The following ANK2 variants were observed in gnomAD, a reference collection of about 807,000 sequenced individuals.
The protein encoded by ANK2 is ankyrin-2.
A neutral mutation model predicts 360.5 loss-of-function variants in ANK2; 83 were observed. That is an observed-to-expected ratio of 0.23 (90% CI 0.19 to 0.28). The LOEUF is 0.28. Ranked by LOEUF, ANK2 falls within the 10% of genes least tolerant of loss-of-function variation. The probability of loss-of-function intolerance (pLI) is 1.00; values close to 1 mark genes in which losing one functional copy is unlikely to be tolerated. For synonymous variants in ANK2, 1,740 were observed against 1,759.5 expected (o/e 0.99, Z 0.28); for missense variants, 4,201 against 4,795.7 (o/e 0.88, Z 3.66).
chr4:113,262,544 T>C (rs577165723), intron 13 of ANK2, among the ~76,000 whole-genome samples: 2 of 152,306 alleles, frequency 1.3e-5, no homozygotes, highest in South Asian at 4.1e-4. Flanking sequence ...TTTGTTTTGT[T>C]TGAATACCAT....
At chr4:112,773,712 A>G in the ANK2 span, among the ~76,000 whole-genome samples, 1 of 152,218 alleles carries the variant, frequency 6.6e-6, no homozygotes. Flanking sequence ...TTATGTGGTA[A>G]CAGATACAAT....
intron 4 of ANK2, among the ~76,000 whole-genome samples, chr4:113,206,296 A>G (rs1251735114): frequency 6.6e-6 from 1 of 152,000 alleles, no homozygotes; most frequent in Admixed American, 6.6e-5. Flanking sequence ...CCCTGTGTCC[A>G]TGCATTCTCA....
rs566818663 is a variant in ANK2, at chr4:113,350,092, C to T, written c.4405-136C>T. 1.2e-5 allele frequency: 9 copies of T among 728,558 alleles called. 1 individual carries two copies. In the South Asian group the frequency reaches 1.4e-4, roughly 11 times the overall value. The allele number at this position is 728,558 out of a possible 1,614,324, so 45.1% of individuals were successfully genotyped here. A position where few individuals can be genotyped will look rare whatever the true frequency, so the allele number is the denominator to read the frequency against. On this transcript the variant is annotated intron_variant, in intron 36 of 45. Transcript: ENST00000357077. The stretch of plus-strand genomic sequence containing the variant: ...TGGAGACTCTCAGGAAAAAATGTAG[C>T]AAATTACTCTGACCTTCCTATAGCT...
the ANK2 span, among the ~76,000 whole-genome samples, chr4:112,771,590 CT>C: frequency 5.9e-4 from 87 of 147,236 alleles, no homozygotes; most frequent in African/African-American, 1.1e-3. Flanking sequence ...GCTGGGGAAA[CT>C]TTTTTTTTTT....
At chr4:113,047,109 T>A, upstream of ANK2, among the ~76,000 whole-genome samples, 1 of 152,326 alleles carries the variant, frequency 6.6e-6, no homozygotes, top group South Asian at 2.1e-4. Context: ...GGTATAATAG[T>A]TTCCTCAACA....
intron 1 of ANK2, among the ~76,000 whole-genome samples, chr4:112,861,839 C>CAGAGAGAGAGAGAGAG (rs141841376): frequency 0.057 from 7,987 of 140,230 alleles, 274 homozygotes; most frequent in East Asian, 0.11. Context: ...TACATAGAGA[C>CAGAGAGAGAGAGAGAG]AGAGAGAGAG....
chr4:113,279,382 T>C (rs907243256), intron 17 of ANK2, among the ~76,000 whole-genome samples: 7 of 152,128 alleles, frequency 4.6e-5, no homozygotes, highest in Non-Finnish European at 1.0e-4. Flanking sequence ...AATAACCCCA[T>C]GAGACTGGTA....
chr4:113,186,306 G>A (rs1584294583), intron 2 of ANK2, among the ~76,000 whole-genome samples: 1 of 152,110 alleles, frequency 6.6e-6, no homozygotes, highest in Non-Finnish European at 1.5e-5. Flanking sequence ...TGCAGCAGAG[G>A]GGCCTGACTG....
chr4:112,749,891 G>A, the ANK2 span, among the ~76,000 whole-genome samples: 1 of 151,812 alleles, frequency 6.6e-6, no homozygotes, highest in Non-Finnish European at 1.5e-5. Context: ...GATTACAGGC[G>A]CCCACCACCA....
chr4:112,785,618 G>A, the ANK2 span, among the ~76,000 whole-genome samples: 93 of 151,762 alleles, frequency 6.1e-4, no homozygotes, highest in African/African-American at 8.9e-4. Flanking sequence ...TGATCCACCC[G>A]CCTTGGCCTC....
At chr4:113,227,873 T>C (rs1297165604) in intron 4 of ANK2, among the ~76,000 whole-genome samples, 1 of 152,234 alleles carries the variant, frequency 6.6e-6, no homozygotes, top group Non-Finnish European at 1.5e-5. Context: ...ACTGAGGCAC[T>C]ATTAATAATT....
intron 1 of ANK2, among the ~76,000 whole-genome samples, chr4:112,897,921 ATTC>A: frequency 6.6e-6 from 1 of 152,268 alleles, no homozygotes; most frequent in Middle Eastern, 3.4e-3. Context: ...AAATATGCAT[ATTC>A]TTCTCAAATA....
chr4:113,141,783 A>C (rs1026721068), intron 1 of ANK2, among the ~76,000 whole-genome samples: 1 of 152,192 alleles, frequency 6.6e-6, no homozygotes, highest in Non-Finnish European at 1.5e-5. Flanking sequence ...TGATTTTTAG[A>C]TTTGCTGTCA....
intron 1 of ANK2, among the ~76,000 whole-genome samples, chr4:112,903,222 G>T (rs11938291): frequency 0.026 from 4,008 of 152,268 alleles, 78 homozygotes; most frequent in African/African-American, 0.047. Context: ...GAGTTTCCAG[G>T]TGATGCTCAT....
intron 42 of ANK2, 149 bp from the exon 43 acceptor site, chr4:113,369,365 A>G (rs2096649220): frequency 2.5e-6 from 2 of 809,698 alleles, no homozygotes; most frequent in Non-Finnish European, 4.2e-6. Flanking sequence ...TTTTTCTTCA[A>G]ATGTCCTTTC....
intron 4 of ANK2, among the ~76,000 whole-genome samples, chr4:113,231,703 A>G (rs1048067780): frequency 2.6e-5 from 4 of 151,494 alleles, no homozygotes; most frequent in Non-Finnish European, 4.4e-5. Context: ...TCCCAAGTTC[A>G]AGTGATTTTC....
chr4:113,175,762 G>T (rs945006445), intron 2 of ANK2, among the ~76,000 whole-genome samples: 5 of 152,190 alleles, frequency 3.3e-5, no homozygotes, highest in Non-Finnish European at 7.4e-5. Flanking sequence ...TCACCTGCAG[G>T]CTTTTGCAAA....
chr4:112,857,679 C>T (rs1445168437), intron 1 of ANK2, among the ~76,000 whole-genome samples: 4 of 152,174 alleles, frequency 2.6e-5, no homozygotes, highest in East Asian at 3.8e-4. Flanking sequence ...TCACCTCCTA[C>T]TGATTAGAAA....
chr4:112,994,971 G>A (rs1406465242), intron 2 of ANK2, among the ~76,000 whole-genome samples: 1 of 152,186 alleles, frequency 6.6e-6, no homozygotes, highest in Non-Finnish European at 1.5e-5. Flanking sequence ...ATTCCACGCT[G>A]TATATGTACC....
Sources: gnomAD v4.1 joint callset for allele counts (sites outside exome capture counted in the v4.1 genomes callset) on GRCh38, gnomAD v4.1.1 for gene constraint, MANE v1.5 for transcripts, NCBI Gene and HGNC (gene_info 2026-07-23, HGNC 2026-07-21) for gene names.